MED12L: variants seen among roughly 807,000 people sequenced by gnomAD.
The protein encoded by MED12L is mediator complex subunit 12L.
In MED12L, 60 loss-of-function variants were observed where a neutral mutation model predicts 281.3. The observed-to-expected ratio is 0.21, with a 90% CI of 0.17 to 0.26. The LOEUF (loss-of-function observed/expected upper bound fraction) is 0.26. MED12L is among the 10% of genes least tolerant of loss of function. The pLI is 1.00. For missense variants in MED12L, 2,146 were observed against 2,680.9 expected, an observed-to-expected ratio of 0.80 and a Z score of 4.41; for synonymous variants, 974 against 987.2, an observed-to-expected ratio of 0.99 and a Z score of 0.25.
chr3:151,293,991 C>A (rs774956315), intron 16 of MED12L: 12 of 588,356 alleles, frequency 2.0e-5, no homozygotes, highest in Non-Finnish European at 3.0e-5. Context: ...CACCCATACG[C>A]TACCTCTTGT....
At chr3:151,295,009 A>T in intron 16 of MED12L, 1 of 1,613,728 alleles carries the variant, frequency 6.2e-7, no homozygotes, top group African/African-American at 1.3e-5. Flanking sequence ...TGTTTTTGAG[A>T]TAGAATATGA....
chr3:151,360,489 C>T lies in MED12L; in HGVS notation c.2841C>T (p.Val947=). 1.2e-6 allele frequency: 2 copies of T among 1,612,446 alleles called. No individual in the cohort carries two copies. Among genetic ancestry groups the T allele is most frequent in the South Asian group, 2.2e-5 (2 of 90,986 alleles). The change falls in exon 21 of 45, where the codon GTC becomes GTT. Residue 947 remains valine, a synonymous_variant. Transcript: ENST00000687756. ...AQVFEGLCGV[V]KHVVNPSECS... is the part of the protein sequence containing the mutation. ...TTCTCCTCAGGTTGTGTGGTGTGGT[C>T]AAGCATGTCGTAAACCCCTCAGAAT...
At chr3:151,324,777 C>T (rs1022618295) in intron 16 of MED12L, among the ~76,000 whole-genome samples, 2 of 152,190 alleles carry the variant, frequency 1.3e-5, no homozygotes, top group African/African-American at 4.8e-5. Flanking sequence ...ACTAATATGG[C>T]ACATGTGTTC....
intron 2 of MED12L, among the ~76,000 whole-genome samples, chr3:151,111,942 A>G (rs1711962749): frequency 6.6e-6 from 1 of 152,126 alleles, no homozygotes; most frequent in Non-Finnish European, 1.5e-5. Flanking sequence ...TGTCCCCTGC[A>G]CTTTCAGATG....
Position 151,198,339 on chromosome 3 carries a change from TTTG to T in MED12L, c.2250+4676_2250+4678del. On this transcript the variant is annotated intron_variant, in intron 16 of 44. Coordinates refer to ENST00000687756, the MANE Select transcript of MED12L (RefSeq NM_001393769.1). ...TGTATTTTTTCATACTGAGTTTTTT[TTTG>T]TTTTTTTTTTTTTTATCTTTCAAAG... 181 of 1,022,200 alleles carry T rather than the reference TTTG, an allele frequency of 1.8e-4. 2 individuals carry two copies. The highest frequency in any genetic ancestry group is 3.3e-4 in the Middle Eastern group (1 of 3,006). 63.3% of individuals were successfully genotyped at this position (1,022,200 alleles called of 1,614,324 possible). A position where few individuals can be genotyped will look rare whatever the true frequency, so the allele number is the denominator to read the frequency against.
intron 16 of MED12L, chr3:151,300,146 A>G (rs368441359): frequency 1.4e-5 from 20 of 1,434,356 alleles, no homozygotes; most frequent in East Asian, 6.8e-5. Flanking sequence ...GTCAGGAAAC[A>G]CTTGGGGACG....
intron 16 of MED12L, among the ~76,000 whole-genome samples, chr3:151,304,781 C>T (rs1746419485): frequency 6.6e-6 from 1 of 152,132 alleles, no homozygotes; most frequent in Non-Finnish European, 1.5e-5. Flanking sequence ...TATAGGTTGA[C>T]TGCGAGGTTA....
At chr3:151,427,384 C>G (rs970450747) in intron 43 of MED12L, among the ~76,000 whole-genome samples, 1 of 152,156 alleles carries the variant, frequency 6.6e-6, no homozygotes, top group African/African-American at 2.4e-5. Context: ...TTAAGCCACC[C>G]TCACACCACC....
intron 27 of MED12L, among the ~76,000 whole-genome samples, chr3:151,375,595 T>C (rs749251787): frequency 2.6e-5 from 4 of 152,144 alleles, no homozygotes; most frequent in Non-Finnish European, 5.9e-5. Flanking sequence ...AAAAGGAAGA[T>C]CGTTTTCTAA....
chr3:151,143,209 A>G lies in MED12L; in HGVS notation c.557-12952A>G, dbSNP rs569953456. 6.8e-4 allele frequency among the ~76,000 whole-genome samples: 104 copies of G among 152,198 alleles called. 1 individual carries two copies. In the South Asian group the frequency reaches 0.014, roughly 21 times the overall value. ...TTTTAGAGCTTTTTGCTCTAGGGTTATTTTACACGGTCATCTGGCAATATG... is the reference window on the plus strand; with the variant it reads ...TTTTAGAGCTTTTTGCTCTAGGGTTGTTTTACACGGTCATCTGGCAATATG... On this transcript the variant is annotated intron_variant, in intron 5 of 44. Coordinates refer to ENST00000687756, the MANE Select transcript of MED12L (RefSeq NM_001393769.1).
At chr3:151,328,556 A>T (rs1315275961) in intron 16 of MED12L, 1 of 1,613,816 alleles carries the variant, frequency 6.2e-7, no homozygotes, top group Non-Finnish European at 8.5e-7. Context: ...AAAGAACCAG[A>T]TGAAGATTGA....
intron 2 of MED12L, 151 bp downstream of exon 2, chr3:151,087,176 G>A: frequency 1.6e-6 from 1 of 630,968 alleles, no homozygotes; most frequent in Non-Finnish European, 2.6e-6. Flanking sequence ...GGTGCTGGGC[G>A]ACCCCCCGGC....
At chr3:151,418,503 G>GT (rs1717880958) in intron 43 of MED12L, among the ~76,000 whole-genome samples, 1 of 152,132 alleles carries the variant, frequency 6.6e-6, no homozygotes. Context: ...TCTATGGAAT[G>GT]TTTATTTTGT....
chr3:151,355,326 A>C (rs1753774924), intron 18 of MED12L, 87 bp downstream of exon 18: 4 of 818,116 alleles, frequency 4.9e-6, no homozygotes, highest in Non-Finnish European at 8.1e-6. Context: ...TCTCAACCTT[A>C]ATGGTTTTAG....
At chr3:151,338,229 A>G (rs762694917) in intron 16 of MED12L, 9 of 1,614,120 alleles carry the variant, frequency 5.6e-6, no homozygotes, top group African/African-American at 2.7e-5. Context: ...ATAACATACA[A>G]TAACAATTAA....
At chr3:151,285,975 T>A (rs565937888) in intron 16 of MED12L, among the ~76,000 whole-genome samples, 1 of 152,214 alleles carries the variant, frequency 6.6e-6, no homozygotes, top group South Asian at 2.1e-4. Context: ...TTACCCAGTT[T>A]AAAGTATTTT....
chr3:151,205,228 C>T (rs1726178992), intron 16 of MED12L, among the ~76,000 whole-genome samples: 1 of 152,064 alleles, frequency 6.6e-6, no homozygotes, highest in Non-Finnish European at 1.5e-5. Context: ...TAATACACAC[C>T]CAAGCGGGAA....
chr3:151,134,711 C>T (rs758395824), intron 5 of MED12L, among the ~76,000 whole-genome samples: 1 of 152,070 alleles, frequency 6.6e-6, no homozygotes, highest in Non-Finnish European at 1.5e-5. Flanking sequence ...GAGACGCTTC[C>T]TAGGAGGACA....
intron 16 of MED12L, among the ~76,000 whole-genome samples, chr3:151,202,641 G>T (rs574460192): frequency 1.3e-5 from 2 of 152,310 alleles, no homozygotes; most frequent in South Asian, 4.1e-4. Flanking sequence ...CTGCACTCCA[G>T]CCTGGGTGAA....
Sources: gnomAD v4.1 joint callset for allele counts (sites outside exome capture counted in the v4.1 genomes callset) on GRCh38, gnomAD v4.1.1 for gene constraint, MANE v1.5 for transcripts, NCBI Gene and HGNC (gene_info 2026-07-23, HGNC 2026-07-21) for gene names.